Variants in ZNF280C observed in about 807,000 individuals in gnomAD.
The protein encoded by ZNF280C is zinc finger protein 280C.
A neutral mutation model predicts 53.6 loss-of-function variants in ZNF280C; 14 were observed. The observed-to-expected ratio is 0.26, with a 90% confidence interval of 0.17 to 0.41. The LOEUF is 0.41. Ranked by LOEUF, ZNF280C falls within the 10% of genes least tolerant of loss-of-function variation. The probability of loss-of-function intolerance (pLI) is 1.00; values close to 1 mark genes in which losing one functional copy is unlikely to be tolerated. For synonymous variants in ZNF280C, 203 were observed against 181.1 expected, an observed-to-expected ratio of 1.12 and a Z score of -0.97; for missense variants, 416 against 547.1, an observed-to-expected ratio of 0.76 and a Z score of 2.39.
At position 130,268,350 on chromosome X, in the gene ZNF280C, A is replaced by G. The variant is rs1207521675; in HGVS notation, c.-17+412T>C. On this transcript the variant is annotated intron_variant, in intron 1 of 18. Transcript: ENST00000370978. The stretch of plus-strand genomic sequence containing the variant: ...CAAGTCTCTTTTCGTTTGATTGAAG[A>G]GACTTGAGGGTGGGCGGGTCTCCGT... Among the ~76,000 whole-genome samples the G allele has an allele frequency of 2.7e-5, 3 of 111,482 alleles. No individual in the cohort carries two copies. The Admixed American group carries it at 2.8e-4, about 10-fold the overall frequency.
chrX:130,225,875 G>A (rs2032216558), intron 12 of ZNF280C, among the ~76,000 whole-genome samples: 1 of 111,879 alleles, frequency 8.9e-6, no homozygotes, highest in Admixed American at 9.5e-5. Flanking sequence ...AAAATGTAAT[G>A]AGCTGATCAG....
chrX:130,205,191 A>G lies in ZNF280C; in HGVS notation c.2162-38T>C, dbSNP rs764311886. ...GAGTTTTACATTTACAATAGCATAT[A>G]TGAAGAGTGAGACTATCAATTTAAT... On this transcript the variant is annotated intron_variant, in intron 17 of 18. Transcript: ENST00000370978. 46 of 1,150,981 alleles carry G rather than the reference A, an allele frequency of 4.0e-5. No individual in the cohort carries two copies. The South Asian group carries it at 8.7e-4, about 22-fold the overall frequency. The allele number at this position is 1,150,981 out of a possible 1,213,427, so 94.9% of individuals were successfully genotyped here.
In ZNF280C at chrX:130,204,951, T is replaced by A. The variant is rs376094415; in HGVS notation, c.*26A>T. 2 of 1,077,387 alleles carry A rather than the reference T, an allele frequency of 1.9e-6. No homozygotes were observed. The highest frequency in any genetic ancestry group is 2.9e-5 in the South Asian group (1 of 34,672). 88.8% of individuals were successfully genotyped at this position (1,077,387 alleles called of 1,213,427 possible). ...AACTTCCAACTTGTCTTGCACCAGG[T>A]TGCATGAACTCCATGGAGCAGGAAT... On this transcript the variant is annotated 3_prime_UTR_variant, in exon 19 of 19. Coordinates refer to ENST00000370978, the MANE Select transcript of ZNF280C (RefSeq NM_017666.5).
At chrX:130,262,900 CTA>C (rs1363238730) in intron 1 of ZNF280C, among the ~76,000 whole-genome samples, 2 of 112,207 alleles carry the variant, frequency 1.8e-5, no homozygotes, top group East Asian at 2.8e-4. Context: ...TAAAATTCAA[CTA>C]TGTTTTACAA....
In ZNF280C at chrX:130,239,707, T is replaced by C. The variant is rs949568094; in HGVS notation, c.382-14A>G. Reference sequence around the variant, plus strand: ...CTTTGTAAAATCCTGTAAAAATTTATAATTATTTTGTTTCATAAACTTTTA... The same window carrying C: ...CTTTGTAAAATCCTGTAAAAATTTACAATTATTTTGTTTCATAAACTTTTA... On this transcript the variant is annotated splice_polypyrimidine_tract_variant and intron_variant, in intron 5 of 18. Transcript: ENST00000370978. 1 of 1,026,016 alleles carries C rather than the reference T, an allele frequency of 9.7e-7. No homozygotes were observed. The highest frequency in any genetic ancestry group is 1.4e-6 in the Non-Finnish European group (1 of 734,752). The allele number at this position is 1,026,016 out of a possible 1,213,427, so 84.6% of individuals were successfully genotyped here.
intron 12 of ZNF280C, among the ~76,000 whole-genome samples, chrX:130,223,922 A>G (rs946421373): frequency 8.9e-6 from 1 of 112,019 alleles, no homozygotes; most frequent in African/African-American, 3.2e-5. Flanking sequence ...TCTTTTGTGA[A>G]TAATTATGCA....
At chrX:130,243,385 T>C (rs1160746452) in intron 5 of ZNF280C, among the ~76,000 whole-genome samples, 178 bp downstream of exon 5, 1 of 112,131 alleles carries the variant, frequency 8.9e-6, no homozygotes, top group African/African-American at 3.2e-5. Context: ...GGTCTTGCCA[T>C]GTTGGCCAGG....
At chrX:130,209,302 A>AT (rs1341199305) in intron 16 of ZNF280C, among the ~76,000 whole-genome samples, 2 of 111,798 alleles carry the variant, frequency 1.8e-5, no homozygotes, top group East Asian at 2.8e-4. Flanking sequence ...ATATTCATCA[A>AT]TTTTTTTTCT....
Position 130,243,878 on chromosome X carries a change from ATTTAT to A in ZNF280C, c.179-18_179-14del. On this transcript the variant is annotated splice_polypyrimidine_tract_variant and intron_variant, in intron 3 of 18. Transcript: ENST00000370978. ...CTGTTCAAAATATCTATAAAATTAT[ATTTAT>A]TTTAAAATTTGTTATGTGAATGAAA... 9.5e-7 allele frequency: 1 copy of A among 1,047,909 alleles called. No individual in the cohort carries two copies. The highest frequency in any genetic ancestry group is 1.3e-6 in the Non-Finnish European group (1 of 791,784). The allele number at this position is 1,047,909 out of a possible 1,213,427, so 86.4% of individuals were successfully genotyped here. A position where few individuals can be genotyped will look rare whatever the true frequency, so the allele number is the denominator to read the frequency against.
intron 12 of ZNF280C, 75 bp downstream of exon 12, chrX:130,226,684 G>T: frequency 2.0e-6 from 2 of 999,803 alleles, no homozygotes; most frequent in Non-Finnish European, 2.7e-6. Flanking sequence ...TATAGATGTA[G>T]CTATAGATCT....
In ZNF280C at chrX:130,204,004, G is replaced by C. The variant is rs2031943615; in HGVS notation, c.*973C>G. The C allele has an allele frequency of 9.0e-6, 1 of 111,591 alleles. No individual in the cohort carries two copies. The allele number at this position is 111,591 out of a possible 1,213,427, so 9.2% of individuals were successfully genotyped here. The stretch of plus-strand genomic sequence containing the variant: ...GTTTAAAAATGAGAATATTAGTATT[G>C]CTGAAAATTCCTAGAATACTGGATA... On this transcript the variant is annotated 3_prime_UTR_variant, in exon 19 of 19. Transcript: ENST00000370978.
chrX:130,217,826 A>T (rs1285119290), intron 13 of ZNF280C, among the ~76,000 whole-genome samples: 2 of 112,337 alleles, frequency 1.8e-5, no homozygotes, highest in African/African-American at 6.5e-5. Context: ...TAGGAGTAAA[A>T]ATTAGATAAA....
chrX:130,215,461 T>A, intron 14 of ZNF280C, 128 bp from the exon 15 acceptor site: 1 of 687,137 alleles, frequency 1.5e-6, no homozygotes, highest in Non-Finnish European at 2.0e-6. Flanking sequence ...ACTCATAATT[T>A]CAAAATTTGC....
chrX:130,219,486 CAAAAAAAAAAAAA>C (rs11299878), intron 13 of ZNF280C, among the ~76,000 whole-genome samples: 1 of 32,742 alleles, frequency 3.1e-5, no homozygotes, highest in African/African-American at 1.5e-4. Context: ...GACTCTGTCT[CAAAAAAAAAAAAA>C]AAAAAAAAAA....
chrX:130,210,866 C>T (rs973215724), intron 15 of ZNF280C, among the ~76,000 whole-genome samples: 6 of 112,554 alleles, frequency 5.3e-5, no homozygotes, highest in Admixed American at 9.4e-5. Flanking sequence ...CATGGACCAG[C>T]ATCATCAGCA....
intron 2 of ZNF280C, among the ~76,000 whole-genome samples, chrX:130,247,919 A>G (rs2032466974): frequency 9.2e-6 from 1 of 108,234 alleles, no homozygotes; most frequent in South Asian, 4.2e-4. Flanking sequence ...GAAACTAAGT[A>G]AAAAATATAC....
chrX:130,263,338 T>C (rs2032650990), intron 1 of ZNF280C, among the ~76,000 whole-genome samples: 1 of 111,972 alleles, frequency 8.9e-6, no homozygotes, highest in Non-Finnish European at 1.9e-5. Context: ...ACAAACAAAA[T>C]GTGATATATC....
chrX:130,218,092 G>A (rs1465546254), intron 13 of ZNF280C, among the ~76,000 whole-genome samples: 2 of 111,538 alleles, frequency 1.8e-5, no homozygotes, highest in African/African-American at 6.5e-5. Flanking sequence ...AGCCTCGGAG[G>A]CAGAGGTTGC....
intron 15 of ZNF280C, 63 bp downstream of exon 15, chrX:130,215,130 T>C: frequency 8.6e-7 from 1 of 1,164,192 alleles, no homozygotes; most frequent in Non-Finnish European, 1.2e-6. Context: ...AGGATAACTC[T>C]GTTTTCAAAA....
Sources: allele counts gnomAD v4.1 joint callset (sites outside exome capture counted in the v4.1 genomes callset), GRCh38; gene constraint gnomAD v4.1.1; transcripts MANE v1.5; gene names NCBI Gene and HGNC (gene_info 2026-07-23, HGNC 2026-07-21).